LAT2: variants seen among roughly 807,000 people sequenced by gnomAD.
LAT2 encodes linker for activation of T-cells family member 2.
In LAT2, 23 loss-of-function variants were observed where a neutral mutation model predicts 43.4. That is an observed-to-expected ratio of 0.53 (90% CI 0.38 to 0.75). The LOEUF (loss-of-function observed/expected upper bound fraction) is 0.75. Among genes scored for constraint, LAT2 ranks in the 30% least tolerant of loss-of-function variants. The pLI, the probability that LAT2 is intolerant of heterozygous loss-of-function variation, is 0.00. For synonymous variants in LAT2, 128 were observed against 123.2 expected, an observed-to-expected ratio of 1.04 and a Z score of -0.26; for missense variants, 284 against 310.2, an observed-to-expected ratio of 0.92 and a Z score of 0.64.
rs2116154541 is a variant in LAT2 at position 74,220,423 on chromosome 7, A to G, written c.266-161A>G. On this transcript the variant is annotated intron_variant, in intron 7 of 13. Transcript: ENST00000460943. This position sits in a 1 kb window ranked among gnomAD's most constrained non-coding sequence, Gnocchi z 4.5. ...GGCAGGCTCCTGGAATCGGCCTGGC[A>G]GGGGGAGGGTGCACACTCGCACATG... 9 of 1,217,446 alleles carry G rather than the reference A, an allele frequency of 7.4e-6. No homozygotes were observed. The highest frequency in any genetic ancestry group is 2.4e-5 in the East Asian group (1 of 41,322). 75.4% of individuals were successfully genotyped at this position (1,217,446 alleles called of 1,614,324 possible). A position where few individuals can be genotyped will look rare whatever the true frequency, so the allele number is the denominator to read the frequency against.
At chr7:74,226,481 AC>A (rs1802490868) in intron 13 of LAT2, 1 of 151,068 alleles carries the variant, frequency 6.6e-6, no homozygotes, top group Non-Finnish European at 1.5e-5. Context: ...ACAGAGCAAG[AC>A]CCCATCTCAA....
intron 11 of LAT2, 66 bp downstream of exon 11, chr7:74,223,849 T>C: frequency 6.5e-7 from 1 of 1,544,622 alleles, no homozygotes; most frequent in Non-Finnish European, 8.9e-7. Flanking sequence ...CAGGTGCCCC[T>C]GCACTCCCCA....
intron 4 of LAT2, among the ~76,000 whole-genome samples, chr7:74,218,369 C>T (rs1424695104): frequency 6.6e-6 from 1 of 152,162 alleles, no homozygotes; most frequent in East Asian, 1.9e-4. Context: ...GAAGGCTGGG[C>T]CAGGTACCCA....
intron 9 of LAT2, among the ~76,000 whole-genome samples, chr7:74,221,428 A>AC (rs1802274932): frequency 6.7e-6 from 1 of 149,564 alleles, no homozygotes; most frequent in Admixed American, 6.7e-5. Flanking sequence ...AAAAAAAAAA[A>AC]AAAAAAAAAA....
intron 1 of LAT2, among the ~76,000 whole-genome samples, chr7:74,214,387 T>A (rs868910819): frequency 1.6e-4 from 10 of 60,642 alleles, no homozygotes; most frequent in African/African-American, 6.9e-4. Flanking sequence ...AATATATATA[T>A]AAATATATAT....
At chr7:74,219,325 C>T (rs990158705) in intron 4 of LAT2, among the ~76,000 whole-genome samples, 18 of 152,170 alleles carry the variant, frequency 1.2e-4, no homozygotes, top group African/African-American at 4.1e-4. Context: ...TAATTTACCC[C>T]AAGTCATTGC....
At chr7:74,228,167 A>T (rs1554716387) in intron 13 of LAT2, among the ~76,000 whole-genome samples, 1 of 25,836 alleles carries the variant, frequency 3.9e-5, no homozygotes, top group East Asian at 1.3e-3. Flanking sequence ...CTACGTCTTA[A>T]AAAAAAAAAA....
intron 3 of LAT2, 95 bp from the exon 4 acceptor site, chr7:74,216,730 C>G: frequency 9.5e-7 from 1 of 1,050,972 alleles, no homozygotes; most frequent in Non-Finnish European, 1.5e-6. Context: ...CAAGTCCTGT[C>G]TGAGTCCTGC....
At chr7:74,214,601 A>AATAT (rs71827951) in intron 1 of LAT2, among the ~76,000 whole-genome samples, 1 of 752 alleles carries the variant, frequency 1.3e-3, no homozygotes, top group Non-Finnish European at 1.9e-3. Flanking sequence ...TATATATGAA[A>AATAT]ATATATATAA....
At chr7:74,224,986 T>C in intron 13 of LAT2, 1 of 394,922 alleles carries the variant, frequency 2.5e-6, no homozygotes, top group East Asian at 5.3e-5. Context: ...GGCAAAGAAG[T>C]GGGCACCGGG....
Position 74,220,768 on chromosome 7 carries a change from C to G in LAT2, c.332+34C>G, listed in dbSNP as rs782161541. ...CCTTGATCCTGTCCCCCCTGCCTCG[C>G]CTCTCCCCCTGCCCCACCTCTCCCC... On this transcript the variant is annotated intron_variant, in intron 9 of 13. Transcript: ENST00000460943. This position sits in a 1 kb window ranked among gnomAD's most constrained non-coding sequence, Gnocchi z 4.5. 4 of 1,464,178 alleles carry G rather than the reference C, an allele frequency of 2.7e-6. No individual in the cohort carries two copies. The highest frequency in any genetic ancestry group is 2.1e-5 in the Admixed American group (1 of 46,674). The allele number at this position is 1,464,178 out of a possible 1,614,324, so 90.7% of individuals were successfully genotyped here.
At chr7:74,211,648 G>A (rs1391969029) in intron 1 of LAT2, among the ~76,000 whole-genome samples, 2 of 151,894 alleles carry the variant, frequency 1.3e-5, no homozygotes, top group Non-Finnish European at 2.9e-5. Context: ...TAGTAGAGAC[G>A]GGGTTTCGCC....
chr7:74,219,336 T>C (rs2116146056), intron 4 of LAT2, among the ~76,000 whole-genome samples: 1 of 152,304 alleles, frequency 6.6e-6, no homozygotes, highest in South Asian at 2.1e-4. Flanking sequence ...AAGTCATTGC[T>C]GGGTCCCTGA....
At chr7:74,213,229 TG>T (rs1801790571) in intron 1 of LAT2, among the ~76,000 whole-genome samples, 1 of 151,294 alleles carries the variant, frequency 6.6e-6, no homozygotes, top group Non-Finnish European at 1.5e-5. Flanking sequence ...AGCAATTCTC[TG>T]CCTCAGCCTC....
chr7:74,218,994 G>C (rs1802147185), intron 4 of LAT2, among the ~76,000 whole-genome samples: 1 of 144,864 alleles, frequency 6.9e-6, no homozygotes, highest in Non-Finnish European at 1.5e-5. Flanking sequence ...CACCATGCCG[G>C]GTCTAGAGTG....
chr7:74,218,193 C>T (rs782815549), intron 4 of LAT2, among the ~76,000 whole-genome samples: 7 of 152,208 alleles, frequency 4.6e-5, no homozygotes, highest in Non-Finnish European at 7.3e-5. Context: ...TCTGTCACCT[C>T]GGTTGGGCTC....
intron 1 of LAT2, among the ~76,000 whole-genome samples, chr7:74,210,419 G>A (rs946586649): frequency 2.6e-5 from 4 of 152,160 alleles, no homozygotes; most frequent in African/African-American, 7.2e-5. Context: ...TTCCTCATCC[G>A]TGAAATGGGA....
At chr7:74,214,128 ATATATATATG>A (rs1554713645) in intron 1 of LAT2, among the ~76,000 whole-genome samples, 1 of 60,088 alleles carries the variant, frequency 1.7e-5, no homozygotes, top group South Asian at 4.1e-4. Context: ...ATATATATAA[ATATATATATG>A]AAAATATATA....
intron 13 of LAT2, among the ~76,000 whole-genome samples, chr7:74,228,741 A>G (rs1353105749): frequency 8.6e-5 from 13 of 151,668 alleles, no homozygotes; most frequent in African/African-American, 2.9e-4. Context: ...GTGAGCCGAG[A>G]TCGCGCCACC....
Sources: gnomAD v4.1 joint callset for allele counts (sites outside exome capture counted in the v4.1 genomes callset) on GRCh38, gnomAD v4.1.1 for gene constraint, Gnocchi (gnomAD v3.1) non-coding constraint, MANE v1.5 for transcripts, NCBI Gene and HGNC (gene_info 2026-07-23, HGNC 2026-07-21) for gene names.